The following IGDCC4 variants were observed in gnomAD, a reference collection of about 807,000 sequenced individuals.
IGDCC4 encodes the protein immunoglobulin superfamily DCC subclass member 4.
In IGDCC4, 72 loss-of-function variants were observed where a neutral mutation model predicts 116.6. That is an observed-to-expected ratio of 0.62 (90% CI 0.51 to 0.75). The LOEUF (loss-of-function observed/expected upper bound fraction) is 0.75, where lower values mean the gene tolerates loss of function less well. Among genes scored for constraint, IGDCC4 ranks in the 30% least tolerant of loss-of-function variants. The pLI, the probability that IGDCC4 is intolerant of heterozygous loss-of-function variation, is 0.00. For synonymous variants in IGDCC4, 709 were observed against 719.9 expected (o/e 0.98, Z 0.24); for missense variants, 1,501 against 1,662.4 (o/e 0.90, Z 1.69).
chr15:65,396,888 T>A lies in IGDCC4; in HGVS notation c.943A>T (p.Asn315Tyr), dbSNP rs2062932999. The change falls in exon 6 of 20, where the codon AAC becomes TAC. Residue 315 changes from asparagine to tyrosine, a missense_variant. Coordinates refer to ENST00000352385, the MANE Select transcript of IGDCC4 (RefSeq NM_020962.3). Reference protein sequence around the residue: ...WHSGVYVCRANKPRTRDFATA... With the variant: ...WHSGVYVCRAYKPRTRDFATA... Reference sequence around the variant, plus strand: ...GCGAAGTCGCGCGTGCGGGGCTTGTTGGCGCGGCAGACATAGACGCCGGAG... The same window carrying A: ...GCGAAGTCGCGCGTGCGGGGCTTGTAGGCGCGGCAGACATAGACGCCGGAG... 1 of 1,576,472 alleles carries A rather than the reference T, an allele frequency of 6.3e-7. No homozygotes were observed. Among genetic ancestry groups the A allele is most frequent in the Non-Finnish European group, 8.6e-7 (1 of 1,161,258 alleles).
At chr15:65,422,272 G>A (rs59372243) in intron 1 of IGDCC4, among the ~76,000 whole-genome samples, 7,369 of 151,996 alleles carry the variant, frequency 0.048, 617 homozygotes, top group African/African-American at 0.17. Context: ...TATGGGCAAG[G>A]ACACTTCCCA....
At position 65,388,065 on chromosome 15, in the gene IGDCC4, G is replaced by A. The variant is rs889074091; in HGVS notation, c.2845+384C>T. ...TTGAGACCAGCCTGGCCAACATGGT[G>A]AAATCCTGTCTCTACTAAAAATACA... is the stretch of plus-strand genomic sequence containing the variant. On this transcript the variant is annotated intron_variant, in intron 16 of 19. Transcript: ENST00000352385. Among the ~76,000 whole-genome samples, 4 of 152,134 alleles carry A rather than the reference G, an allele frequency of 2.6e-5. No individual in the cohort carries two copies. In the South Asian group the frequency reaches 8.3e-4, roughly 32 times the overall value.
intron 5 of IGDCC4, among the ~76,000 whole-genome samples, chr15:65,397,403 A>ACCT: frequency 6.6e-6 from 1 of 152,344 alleles, no homozygotes; most frequent in African/African-American, 2.4e-5. Flanking sequence ...ACAAAGTTTT[A>ACCT]CCTCAATGTG....
intron 1 of IGDCC4, among the ~76,000 whole-genome samples, chr15:65,416,136 C>CTTTTTTTTTT (rs60072640): frequency 6.4e-5 from 5 of 77,610 alleles, no homozygotes; most frequent in African/African-American, 1.1e-4. Flanking sequence ...AATGTTTTGA[C>CTTTTTTTTTT]TTTTTTTTTT....
chr15:65,394,680 G>T, intron 8 of IGDCC4, 132 bp from the exon 9 acceptor site: 1 of 916,848 alleles, frequency 1.1e-6, no homozygotes. Context: ...AGGGAGGAAA[G>T]GGAGCTTCTC....
chr15:65,389,213 T>C, intron 14 of IGDCC4, 71 bp downstream of exon 14: 1 of 1,582,942 alleles, frequency 6.3e-7, no homozygotes, highest in Non-Finnish European at 8.6e-7. Flanking sequence ...CTGAAGTATG[T>C]TTCTTGCTGC....
intron 13 of IGDCC4, 59 bp from the exon 14 acceptor site, chr15:65,389,470 T>G (rs1271995101): frequency 1.2e-6 from 2 of 1,610,652 alleles, no homozygotes; most frequent in Admixed American, 3.3e-5. Context: ...CAGGGCAGAC[T>G]CCTCCAAATC....
At chr15:65,414,221 G>C (rs535881396) in intron 1 of IGDCC4, among the ~76,000 whole-genome samples, 2 of 152,226 alleles carry the variant, frequency 1.3e-5, no homozygotes, top group African/African-American at 4.8e-5. Context: ...TGGGATTGCA[G>C]TGTGAAGGGC....
chr15:65,387,174 G>A (rs1473857594), intron 16 of IGDCC4, among the ~76,000 whole-genome samples: 1 of 150,878 alleles, frequency 6.6e-6, no homozygotes, highest in Non-Finnish European at 1.5e-5. Context: ...CCACAGGCAT[G>A]AGCTACCACA....
chr15:65,393,479 G>C lies in IGDCC4; in HGVS notation c.1767C>G (p.Asn589Lys). Residue 589 changes from asparagine to lysine, a missense_variant, in exon 10 of 20, where the codon AAC becomes AAG. Physicochemically the swap from Asn to Lys is moderately conservative, Grantham distance 94. Coordinates refer to ENST00000352385, the MANE Select transcript of IGDCC4 (RefSeq NM_020962.3). This position sits in a 1 kb window ranked among gnomAD's most constrained non-coding sequence, Gnocchi z 4.6. ...VRGNETQLML[N>K]SLQPNKVYRV... ...GATACACCTTGTTTGGCTGAAGCGAGTTCAGCATAAGCTGTGTCTCATTTC... is the reference window on the plus strand; with the variant it reads ...GATACACCTTGTTTGGCTGAAGCGACTTCAGCATAAGCTGTGTCTCATTTC... 1 of 1,612,640 alleles carries C rather than the reference G, an allele frequency of 6.2e-7. No homozygotes were observed. The highest frequency in any genetic ancestry group is 8.5e-7 in the Non-Finnish European group (1 of 1,179,242).
intron 14 of IGDCC4, 112 bp from the exon 15 acceptor site, chr15:65,389,090 G>T: frequency 9.3e-7 from 1 of 1,074,872 alleles, no homozygotes. Context: ...CAAAGATGAG[G>T]TCTGGTTTCT....
At chr15:65,396,772 C>A in intron 6 of IGDCC4, 62 bp downstream of exon 6, 1 of 1,533,224 alleles carries the variant, frequency 6.5e-7, no homozygotes, top group African/African-American at 1.4e-5. Flanking sequence ...CGTCCACCTC[C>A]CCCTGCTCTA....
In IGDCC4 at chr15:65,382,540, G is replaced by C. The variant is rs924848488; in HGVS notation, c.*1469C>G. The C allele has an allele frequency of 5.9e-5, 9 of 152,670 alleles. No individual in the cohort carries two copies. The highest frequency in any genetic ancestry group is 5.2e-4 in the Admixed American group (8 of 15,302). 9.5% of individuals were successfully genotyped at this position (152,670 alleles called of 1,614,324 possible). On this transcript the variant is annotated 3_prime_UTR_variant, in exon 20 of 20. Coordinates refer to ENST00000352385, the MANE Select transcript of IGDCC4 (RefSeq NM_020962.3). ...CCTAACATTCTATGCTCCTATGAGAGGGCTGAGGTGAAAAACCAAATAAAT... is the reference window on the plus strand; with the variant it reads ...CCTAACATTCTATGCTCCTATGAGACGGCTGAGGTGAAAAACCAAATAAAT...
chr15:65,408,295 G>C (rs952966114), intron 3 of IGDCC4, among the ~76,000 whole-genome samples: 5 of 152,136 alleles, frequency 3.3e-5, no homozygotes, highest in African/African-American at 1.2e-4. Flanking sequence ...ACCCTCTCTG[G>C]GGGGCATCAG....
rs763325655 is a variant in IGDCC4, at chr15:65,400,956, A to AT, written c.701-11_701-10insA. On this transcript the variant is annotated splice_polypyrimidine_tract_variant and intron_variant, in intron 4 of 19. Transcript: ENST00000352385. ...GTGGACGCCAGGGACCCTGGCGAGA[A>AT]GACAGACCAGCAGGCAGCCTTACCA... 8.6e-5 allele frequency: 139 copies of AT among 1,613,910 alleles called. No homozygotes were observed. The highest frequency in any genetic ancestry group is 1.2e-4 in the Non-Finnish European group (136 of 1,180,020).
chr15:65,385,646 C>G, intron 18 of IGDCC4, 185 bp downstream of exon 18: 1 of 675,638 alleles, frequency 1.5e-6, no homozygotes, highest in Non-Finnish European at 2.7e-6. Flanking sequence ...CCTATTCCGC[C>G]GGGATATGGA....
Position 65,384,470 on chromosome 15 carries a change from C to T in IGDCC4, c.3343-51G>A. The T allele has an allele frequency of 2.1e-6, 3 of 1,462,022 alleles. No individual in the cohort carries two copies. Among genetic ancestry groups the T allele is most frequent in the Non-Finnish European group, 2.7e-6 (3 of 1,106,898 alleles). 90.6% of individuals were successfully genotyped at this position (1,462,022 alleles called of 1,614,324 possible). On this transcript the variant is annotated intron_variant, in intron 19 of 19. Transcript: ENST00000352385. This position sits in a 1 kb window ranked among gnomAD's most constrained non-coding sequence, Gnocchi z 4.9. ...CAAAGTGACCATTACTGAGAGTAAT[C>T]ATCAGAATGACCAGCGTACGTGGGG...
chr15:65,418,305 G>C (rs1177277815), intron 1 of IGDCC4, among the ~76,000 whole-genome samples: 3 of 151,772 alleles, frequency 2.0e-5, no homozygotes, highest in Non-Finnish European at 4.4e-5. Flanking sequence ...TACCTTGCCT[G>C]TTCTCTTGCT....
intron 5 of IGDCC4, among the ~76,000 whole-genome samples, chr15:65,397,266 C>T (rs1465871176): frequency 6.6e-6 from 1 of 152,204 alleles, no homozygotes; most frequent in Non-Finnish European, 1.5e-5. Context: ...GCTCAGCACA[C>T]TCGTCAGTTT....
Sources: gnomAD v4.1 joint callset for allele counts (sites outside exome capture counted in the v4.1 genomes callset) on GRCh38, gnomAD v4.1.1 for gene constraint, Gnocchi (gnomAD v3.1) non-coding constraint, MANE v1.5 for transcripts, NCBI Gene and HGNC (gene_info 2026-07-23, HGNC 2026-07-21) for gene names.